TLR5: variants seen among roughly 807,000 people sequenced by gnomAD.
TLR5 encodes the protein toll like receptor 5.
For synonymous variants in TLR5, 373 were observed against 384.4 expected (o/e 0.97, Z 0.35); for missense variants, 944 against 999.8 (o/e 0.94, Z 0.75).
At chr1:223,124,855 C>T (rs531176503) in intron 5 of TLR5, among the ~76,000 whole-genome samples, 1 of 152,312 alleles carries the variant, frequency 6.6e-6, no homozygotes, top group African/African-American at 2.4e-5. Context: ...CCACCTGCCT[C>T]AGCCTTCAGA....
At chr1:223,139,374 T>C (rs1253656501) in intron 2 of TLR5, among the ~76,000 whole-genome samples, 2 of 152,204 alleles carry the variant, frequency 1.3e-5, no homozygotes, top group Non-Finnish European at 2.9e-5. Flanking sequence ...AGCAGGGAGA[T>C]GGCCAAGTAA....
In TLR5 at chr1:223,134,725, T is replaced by C. The variant is rs1657537555; in HGVS notation, c.-213A>G. On this transcript the variant is annotated 5_prime_UTR_variant, in exon 4 of 6. Coordinates refer to ENST00000642603, the MANE Select transcript of TLR5 (RefSeq NM_003268.6). ...AGCGCCAACATTCTCAATTAGAAAA[T>C]TAACATCTGAGGCTCCGACATCTTC... is the stretch of plus-strand genomic sequence containing the variant. 1 of 152,082 alleles carries C rather than the reference T, an allele frequency of 6.6e-6. No individual in the cohort carries two copies. Among genetic ancestry groups the C allele is most frequent in the African/African-American group, 2.4e-5 (1 of 41,278 alleles). The allele number at this position is 152,082 out of a possible 1,614,324, so 9.4% of individuals were successfully genotyped here. A position where few individuals can be genotyped will look rare whatever the true frequency, so the allele number is the denominator to read the frequency against.
chr1:223,140,296 T>C (rs541814958), intron 2 of TLR5, among the ~76,000 whole-genome samples: 131 of 152,204 alleles, frequency 8.6e-4, no homozygotes, highest in African/African-American at 2.8e-3. Flanking sequence ...CCTGTAATCC[T>C]AGCACTTTGG....
chr1:223,116,360 A>G (rs895486020), intron 5 of TLR5, among the ~76,000 whole-genome samples: 30 of 152,000 alleles, frequency 2.0e-4, no homozygotes, highest in African/African-American at 6.3e-4. Flanking sequence ...ATAGACCTTC[A>G]CGGTGAGTGT....
At chr1:223,121,230 C>T (rs1276199514) in intron 5 of TLR5, among the ~76,000 whole-genome samples, 1 of 152,222 alleles carries the variant, frequency 6.6e-6, no homozygotes, top group African/African-American at 2.4e-5. Flanking sequence ...TGTACCAACT[C>T]ATTATAAATT....
In TLR5 at chr1:223,112,814, T is replaced by C; in HGVS notation, c.218A>G (p.Gln73Arg). The change falls in exon 6 of 6, where the codon CAG becomes CGG. Residue 73 changes from glutamine (Q) to arginine (R), a missense_variant. Transcript: ENST00000642603. ...ATACTGGCTCCCGAGCTCCAGCAGC[T>C]GCAGCTGTTCCAGAAAGGGGAAGGA... ...ASSFPFLEQLQLLELGSQYTP... is the reference protein window; with the variant it reads ...ASSFPFLEQLRLLELGSQYTP... 6.2e-7 allele frequency: 1 copy of C among 1,612,482 alleles called. No individual in the cohort carries two copies. Among genetic ancestry groups the C allele is most frequent in the Non-Finnish European group, 8.5e-7 (1 of 1,179,020 alleles).
At chr1:223,137,950 ATTTTTTTT>A (rs3044335) in intron 2 of TLR5, among the ~76,000 whole-genome samples, 37 of 84,566 alleles carry the variant, frequency 4.4e-4, no homozygotes, top group East Asian at 8.9e-4. Flanking sequence ...GGCTTTTTAA[ATTTTTTTT>A]TTTTTTTTTT....
Position 223,112,217 on chromosome 1 carries a change from T to C in TLR5, c.815A>G (p.His272Arg), listed in dbSNP as rs781729848. ...GTTCTGGTCAGGATCTTTGATGTTA[T>C]GGAAGCCAAACCCGGCACCCATGAT... ...HHIMGAGFGF[H>R]NIKDPDQNTF... is the part of the protein sequence containing the mutation. The change falls in exon 6 of 6, where the codon CAT (histidine) becomes CGT (arginine). Residue 272 changes from histidine to arginine, a missense_variant. Transcript: ENST00000642603. 5.0e-6 allele frequency: 8 copies of C among 1,614,210 alleles called. No homozygotes were observed. Among genetic ancestry groups the C allele is most frequent in the Non-Finnish European group, 6.8e-6 (8 of 1,180,030 alleles).
intron 5 of TLR5, among the ~76,000 whole-genome samples, chr1:223,116,600 G>C (rs1656665908): frequency 6.6e-6 from 1 of 152,246 alleles, no homozygotes; most frequent in African/African-American, 2.4e-5. Flanking sequence ...GACCGCAGTG[G>C]GCTGCCACTG....
chr1:223,136,620 A>G (rs1161710090), intron 3 of TLR5, among the ~76,000 whole-genome samples: 1 of 152,162 alleles, frequency 6.6e-6, no homozygotes, highest in East Asian at 1.9e-4. Flanking sequence ...GGAATCTCAG[A>G]CCCCAGAAAC....
In TLR5 at chr1:223,110,771, A is replaced by G. The variant is rs150499113; in HGVS notation, c.2261T>C (p.Ile754Thr). ...GAAGTGTCTGCTCACAAGACAAACG[A>G]TCTTTCTACTGTTCCAGATGGCATC... ...IQDAIWNSRK[I>T]VCLVSRHFLR... Residue 754 changes from isoleucine to threonine, a missense_variant, in exon 6 of 6, where the codon ATC (isoleucine) becomes ACC (threonine). Ile to Thr is a moderately conservative substitution (Grantham distance 89). Coordinates refer to ENST00000642603, the MANE Select transcript of TLR5 (RefSeq NM_003268.6). 2.5e-5 allele frequency: 41 copies of G among 1,614,102 alleles called. No homozygotes were observed. Among genetic ancestry groups the G allele is most frequent in the Non-Finnish European group, 3.3e-5 (39 of 1,180,034 alleles).
At chr1:223,121,727 C>G (rs1195637764) in intron 5 of TLR5, among the ~76,000 whole-genome samples, 1 of 152,170 alleles carries the variant, frequency 6.6e-6, no homozygotes, top group Non-Finnish European at 1.5e-5. Context: ...GCCATATTGC[C>G]CAGAATGGTC....
chr1:223,120,872 A>G (rs1340872901), intron 5 of TLR5, among the ~76,000 whole-genome samples: 1 of 152,246 alleles, frequency 6.6e-6, no homozygotes, highest in Non-Finnish European at 1.5e-5. Context: ...ACTTGATCCC[A>G]GAAGTTTAAG....
chr1:223,130,389 A>C (rs1657351986), intron 5 of TLR5, among the ~76,000 whole-genome samples: 1 of 152,172 alleles, frequency 6.6e-6, no homozygotes, highest in African/African-American at 2.4e-5. Context: ...CCTAGAATGT[A>C]TTATGTTGGC....
Sources: allele counts gnomAD v4.1 joint callset (sites outside exome capture counted in the v4.1 genomes callset), GRCh38; gene constraint gnomAD v4.1.1; transcripts MANE v1.5; gene names NCBI Gene and HGNC (gene_info 2026-07-23, HGNC 2026-07-21).